Variants in PRLR observed in about 807,000 individuals in gnomAD.
PRLR encodes the protein prolactin receptor, also known as hPRL receptor.
Under a neutral mutation model 40.2 loss-of-function variants are expected in PRLR, and 13 were observed. That is an observed-to-expected ratio of 0.32 (90% CI 0.21 to 0.51). PRLR has a LOEUF of 0.51. PRLR is among the 20% of genes least tolerant of loss of function. The pLI is 0.97. For synonymous variants in PRLR, 269 were observed against 278.7 expected (o/e 0.97, Z 0.35); for missense variants, 656 against 747.3 (o/e 0.88, Z 1.42).
intron 1 of PRLR, among the ~76,000 whole-genome samples, chr5:35,157,214 T>C (rs746839138): frequency 6.6e-6 from 1 of 152,098 alleles, no homozygotes; most frequent in Non-Finnish European, 1.5e-5. Flanking sequence ...ATGGAAACTG[T>C]ATGTAGCTGA....
chr5:35,226,835 G>T (rs549067684), intron 1 of PRLR, among the ~76,000 whole-genome samples: 2 of 152,206 alleles, frequency 1.3e-5, no homozygotes, highest in Admixed American at 1.3e-4. Context: ...ACTCTCTCTG[G>T]CATAGAAGCT....
chr5:35,062,431 G>C lies in PRLR; in HGVS notation c.*2658C>G, dbSNP rs1426087099. 2 of 151,936 alleles carry C rather than the reference G, an allele frequency of 1.3e-5. No homozygotes were observed. The highest frequency in any genetic ancestry group is 4.8e-5 in the African/African-American group (2 of 41,406). 9.4% of individuals were successfully genotyped at this position (151,936 alleles called of 1,614,324 possible). On this transcript the variant is annotated 3_prime_UTR_variant, in exon 10 of 10. Coordinates refer to ENST00000618457, the MANE Select transcript of PRLR (RefSeq NM_000949.7). The stretch of plus-strand genomic sequence containing the variant: ...CATTTGAACAGCTGTCTCCTTGATA[G>C]ACCACAAAAAAACTTTTTGTTAGAC...
intron 1 of PRLR, among the ~76,000 whole-genome samples, chr5:35,224,741 G>C (rs1042911669): frequency 6.6e-6 from 1 of 152,138 alleles, no homozygotes; most frequent in African/African-American, 2.4e-5. Flanking sequence ...AAAAGGGAGA[G>C]AGAGGGTAAC....
At chr5:35,107,510 A>C (rs1310829203) in intron 2 of PRLR, among the ~76,000 whole-genome samples, 3 of 152,206 alleles carry the variant, frequency 2.0e-5, no homozygotes, top group African/African-American at 7.2e-5. Flanking sequence ...AGAGGGAAAA[A>C]TCAAATAGAT....
intron 1 of PRLR, among the ~76,000 whole-genome samples, chr5:35,175,304 C>G (rs1285750470): frequency 6.6e-6 from 1 of 152,220 alleles, no homozygotes; most frequent in Non-Finnish European, 1.5e-5. Flanking sequence ...CACAAGCTCT[C>G]TCTCTTTGCC....
chr5:35,083,806 C>A (rs1034162698), intron 5 of PRLR, among the ~76,000 whole-genome samples: 1 of 135,104 alleles, frequency 7.4e-6, no homozygotes, highest in African/African-American at 3.1e-5. Flanking sequence ...GCGTGAGGCA[C>A]CGCGCCCAGC....
chr5:35,176,040 G>A (rs1775138072), intron 1 of PRLR, among the ~76,000 whole-genome samples: 1 of 152,020 alleles, frequency 6.6e-6, no homozygotes, highest in South Asian at 2.1e-4. Flanking sequence ...GTGTATATTA[G>A]ATGTAAATAA....
In PRLR at chr5:35,228,249, AAAAAGC is replaced by A. The variant is rs767494964; in HGVS notation, c.-106+2013_-106+2018del. Among the ~76,000 whole-genome samples the A allele has an allele frequency of 2.0e-3, 267 of 132,990 alleles. 12 individuals are homozygous for A. The highest frequency in any genetic ancestry group is 0.013 in the South Asian group (45 of 3,562). The allele number at this position is 132,990 out of a possible 152,430, so 87.2% of individuals were successfully genotyped here. A position where few individuals can be genotyped will look rare whatever the true frequency, so the allele number is the denominator to read the frequency against. On this transcript the variant is annotated intron_variant, in intron 1 of 9. Coordinates refer to ENST00000618457, the MANE Select transcript of PRLR (RefSeq NM_000949.7). Reference sequence around the variant, plus strand: ...CAACCATGCAAAAAAAAAAAAAAAAAAAAAGCAGCATTATTTTCATTGTGCTGACAG... The same window carrying A: ...CAACCATGCAAAAAAAAAAAAAAAAAAGCATTATTTTCATTGTGCTGACAG...
chr5:35,111,137 T>G (rs184543023), intron 2 of PRLR, among the ~76,000 whole-genome samples: 1 of 152,354 alleles, frequency 6.6e-6, no homozygotes, highest in Admixed American at 6.5e-5. Context: ...TAGTTGTATT[T>G]AGAGGGCAAC....
intron 1 of PRLR, among the ~76,000 whole-genome samples, chr5:35,144,136 A>C (rs1212925834): frequency 4.6e-5 from 7 of 151,540 alleles, no homozygotes; most frequent in African/African-American, 1.7e-4. Flanking sequence ...AAAAAAAAAA[A>C]AAAAAACCCA....
At chr5:35,210,685 A>G (rs1209661693) in intron 1 of PRLR, among the ~76,000 whole-genome samples, 1 of 152,310 alleles carries the variant, frequency 6.6e-6, no homozygotes, top group East Asian at 1.9e-4. Context: ...GTTAGTATCC[A>G]TCAGAGACAA....
intron 2 of PRLR, among the ~76,000 whole-genome samples, chr5:35,103,218 A>G (rs1469474048): frequency 6.6e-6 from 1 of 152,228 alleles, no homozygotes; most frequent in Admixed American, 6.5e-5. Flanking sequence ...TCTGTGTCCC[A>G]AAGTAAGACT....
intron 1 of PRLR, among the ~76,000 whole-genome samples, chr5:35,207,654 C>T (rs952286219): frequency 7.6e-5 from 11 of 143,792 alleles, no homozygotes; most frequent in African/African-American, 2.2e-4. Flanking sequence ...ATAGAGAAGT[C>T]ATGTAATATA....
At chr5:35,118,338 T>A (rs981171931) in intron 1 of PRLR, among the ~76,000 whole-genome samples, 3 of 149,894 alleles carry the variant, frequency 2.0e-5, no homozygotes, top group Admixed American at 6.6e-5. Flanking sequence ...AAAAAAAAAA[T>A]CTCATATACC....
At chr5:35,172,111 G>A (rs1025239128) in intron 1 of PRLR, among the ~76,000 whole-genome samples, 4 of 152,188 alleles carry the variant, frequency 2.6e-5, no homozygotes, top group African/African-American at 2.4e-5. Flanking sequence ...AGCATGTCCC[G>A]TGAGACTCAA....
intron 1 of PRLR, among the ~76,000 whole-genome samples, chr5:35,228,569 A>G (rs1776611750): frequency 6.6e-6 from 1 of 152,214 alleles, no homozygotes; most frequent in South Asian, 2.1e-4. Context: ...TGACCTGAAG[A>G]GCACTCTGAT....
chr5:35,101,220 C>T (rs1241582167), intron 2 of PRLR, among the ~76,000 whole-genome samples: 1 of 152,208 alleles, frequency 6.6e-6, no homozygotes, highest in Non-Finnish European at 1.5e-5. Context: ...TGTTCAACAA[C>T]ACCTGTTGGG....
intron 2 of PRLR, among the ~76,000 whole-genome samples, chr5:35,110,103 A>G (rs920695731): frequency 1.3e-5 from 2 of 152,200 alleles, no homozygotes; most frequent in Non-Finnish European, 2.9e-5. Flanking sequence ...CACTCTGAGC[A>G]AACTATCACA....
intron 1 of PRLR, among the ~76,000 whole-genome samples, chr5:35,183,043 T>C (rs913026755): frequency 1.3e-5 from 2 of 152,170 alleles, no homozygotes; most frequent in African/African-American, 4.8e-5. Context: ...CTAGCCCCTC[T>C]CCCACCCAAG....
Sources: gnomAD v4.1 joint callset for allele counts (sites outside exome capture counted in the v4.1 genomes callset) on GRCh38, gnomAD v4.1.1 for gene constraint, MANE v1.5 for transcripts, NCBI Gene and HGNC (gene_info 2026-07-23, HGNC 2026-07-21) for gene names.